The following SLC25A26 variants were observed in gnomAD, a reference collection of about 807,000 sequenced individuals.
SLC25A26 encodes solute carrier family 25 member 26.
SLC25A26 carries 36 observed loss-of-function variants against 37.8 expected under a neutral mutation model. The ratio of observed to expected loss-of-function variants is 0.95; its 90% CI spans 0.73 to 1.26. The LOEUF (loss-of-function observed/expected upper bound fraction) is 1.26. Ranked by LOEUF, SLC25A26 falls within the 50% of genes most tolerant of loss-of-function variation. The pLI, the probability that SLC25A26 is intolerant of heterozygous loss-of-function variation, is 0.00. For missense variants in SLC25A26, 390 were observed against 331.1 expected, an observed-to-expected ratio of 1.18 and a Z score of -1.38; for synonymous variants, 129 against 122.5, an observed-to-expected ratio of 1.05 and a Z score of -0.35.
At chr3:66,234,333 A>T (rs1386118691) in intron 1 of SLC25A26, among the ~76,000 whole-genome samples, 1 of 152,200 alleles carries the variant, frequency 6.6e-6, no homozygotes. Flanking sequence ...TTACTTTCCT[A>T]CATTACTTGT....
intron 6 of SLC25A26, among the ~76,000 whole-genome samples, chr3:66,355,728 A>G (rs773224308): frequency 2.6e-5 from 4 of 152,246 alleles, no homozygotes; most frequent in Admixed American, 2.6e-4. Flanking sequence ...TTTTAAAAAT[A>G]TATGTGCAAA....
chr3:66,271,619 A>G (rs571203588), intron 5 of SLC25A26, among the ~76,000 whole-genome samples: 2 of 152,250 alleles, frequency 1.3e-5, no homozygotes, highest in Non-Finnish European at 2.9e-5. Flanking sequence ...TCACTGTAGT[A>G]GATGAAGTCA....
At chr3:66,304,936 C>G (rs1576836538) in intron 5 of SLC25A26, among the ~76,000 whole-genome samples, 1 of 152,102 alleles carries the variant, frequency 6.6e-6, no homozygotes, top group African/African-American at 2.4e-5. Context: ...TTAAGAAACT[C>G]AAAAGATTTT....
intron 9 of SLC25A26, among the ~76,000 whole-genome samples, chr3:66,372,124 T>C (rs1700379211): frequency 6.6e-6 from 1 of 152,120 alleles, no homozygotes; most frequent in African/African-American, 2.4e-5. Context: ...TTCTTCTGTG[T>C]TTCAAATAGC....
At chr3:66,169,282 CAGTATTAGATTT>C (rs1439100076) in intron 1 of SLC25A26, among the ~76,000 whole-genome samples, 18 of 152,304 alleles carry the variant, frequency 1.2e-4, no homozygotes, top group Admixed American at 7.2e-4. Flanking sequence ...GAACTTAGTG[CAGTATTAGATTT>C]ACTGAAGCCT....
At chr3:66,325,620 A>G (rs2075817891) in intron 5 of SLC25A26, among the ~76,000 whole-genome samples, 1 of 152,116 alleles carries the variant, frequency 6.6e-6, no homozygotes, top group Admixed American at 6.5e-5. Context: ...AATAGTAAGT[A>G]ACTAGGTGAT....
intron 5 of SLC25A26, among the ~76,000 whole-genome samples, chr3:66,280,714 A>G (rs547411390): frequency 1.3e-4 from 20 of 152,280 alleles, no homozygotes; most frequent in African/African-American, 3.6e-4. Context: ...TACAATTTAT[A>G]GAAAAGGTAA....
At chr3:66,279,757 A>G (rs2074275225) in intron 5 of SLC25A26, among the ~76,000 whole-genome samples, 1 of 152,130 alleles carries the variant, frequency 6.6e-6, no homozygotes, top group African/African-American at 2.4e-5. Flanking sequence ...GGTTAAATTG[A>G]TCTGTGGGAG....
In SLC25A26 at chr3:66,360,872, G is replaced by A. The variant is rs117098130; in HGVS notation, c.499-1988G>A. 1.6e-3 allele frequency among the ~76,000 whole-genome samples: 239 copies of A among 152,278 alleles called. 5 individuals carry two copies. The East Asian group carries it at 0.034, about 21-fold the overall frequency. On this transcript the variant is annotated intron_variant, in intron 6 of 9. Coordinates refer to ENST00000354883, the MANE Select transcript of SLC25A26 (RefSeq NM_001379210.1). The stretch of plus-strand genomic sequence containing the variant: ...TTGGTGCCTCCCAATCACAGTCTTA[G>A]CAGGTTATTTCGTAGGAATTGATAA...
At chr3:66,292,232 A>G (rs913836554) in intron 5 of SLC25A26, among the ~76,000 whole-genome samples, 1 of 152,074 alleles carries the variant, frequency 6.6e-6, no homozygotes. Flanking sequence ...CAGCACACTG[A>G]TGGGTCTTCA....
intron 1 of SLC25A26, among the ~76,000 whole-genome samples, chr3:66,186,494 AC>A (rs1216709974): frequency 6.6e-6 from 1 of 151,872 alleles, no homozygotes; most frequent in Non-Finnish European, 1.5e-5. Context: ...CCTGACCAGC[AC>A]TCTGACATTG....
chr3:66,287,295 CA>C (rs532447022), intron 5 of SLC25A26, among the ~76,000 whole-genome samples: 2,452 of 92,098 alleles, frequency 0.027, 60 homozygotes, highest in African/African-American at 0.079. Context: ...GACTCCGTCT[CA>C]AAAAAAAAAA....
chr3:66,364,113 AG>A (rs1023008665), intron 7 of SLC25A26, among the ~76,000 whole-genome samples: 1 of 152,206 alleles, frequency 6.6e-6, no homozygotes, highest in African/African-American at 2.4e-5. Context: ...TACTTTTTAA[AG>A]TTAGCAATAC....
chr3:66,299,201 T>A (rs1008189863), intron 5 of SLC25A26, among the ~76,000 whole-genome samples: 3 of 151,662 alleles, frequency 2.0e-5, no homozygotes, highest in Non-Finnish European at 4.4e-5. Flanking sequence ...TACAACAAAC[T>A]TTTTTTTTGA....
Position 66,230,984 on chromosome 3 carries a change from C to T in SLC25A26, c.34-5560C>T, listed in dbSNP as rs139757138. Among the ~76,000 whole-genome samples, 834 of 152,090 alleles carry T rather than the reference C, an allele frequency of 5.5e-3. 3 individuals carry two copies. The highest frequency in any genetic ancestry group is 0.01 in the South Asian group (50 of 4,826). Reference sequence around the variant, plus strand: ...GAGGTCAGGAGTTCAAAACCAGCCTCGCCAACAGGGTGAAACTCTGCTTCT... The same window carrying T: ...GAGGTCAGGAGTTCAAAACCAGCCTTGCCAACAGGGTGAAACTCTGCTTCT... On this transcript the variant is annotated intron_variant, in intron 1 of 9. Transcript: ENST00000354883.
chr3:66,315,021 G>A (rs1210318293), intron 5 of SLC25A26, among the ~76,000 whole-genome samples: 2 of 147,480 alleles, frequency 1.4e-5, no homozygotes, highest in Non-Finnish European at 1.5e-5. Flanking sequence ...TTCTTTATTA[G>A]TCTAGTTAGT....
At chr3:66,308,126 TC>T (rs1404559424) in intron 5 of SLC25A26, among the ~76,000 whole-genome samples, 1 of 152,206 alleles carries the variant, frequency 6.6e-6, no homozygotes, top group Non-Finnish European at 1.5e-5. Flanking sequence ...ATTCTTCCTA[TC>T]CATGAGCATG....
chr3:66,312,185 C>T (rs529321039), intron 5 of SLC25A26, among the ~76,000 whole-genome samples: 3 of 152,260 alleles, frequency 2.0e-5, no homozygotes, highest in East Asian at 3.9e-4. Flanking sequence ...TCAGAGATGC[C>T]CTGCCCAGTG....
Position 66,377,730 on chromosome 3 carries a change from C to G in SLC25A26, c.748C>G (p.Leu250Val), listed in dbSNP as rs1377151005. Residue 250 changes from leucine to valine, a missense_variant, in exon 10 of 10, where the codon CTG becomes GTG. By Grantham distance (32) the Leu-to-Val change is conservative. Coordinates refer to ENST00000354883, the MANE Select transcript of SLC25A26 (RefSeq NM_001379210.1). ...GVFPRMAAIS[L>V]GGFIFLGAYD... The stretch of plus-strand genomic sequence containing the variant: ...CTTCCCTCGAATGGCAGCCATCAGT[C>G]TGGGAGGTTTCATCTTTCTGGGGGC... The G allele has an allele frequency of 6.2e-7, 1 of 1,613,870 alleles. No individual in the cohort carries two copies. The highest frequency in any genetic ancestry group is 8.5e-7 in the Non-Finnish European group (1 of 1,179,856).
Sources: allele counts gnomAD v4.1 joint callset (sites outside exome capture counted in the v4.1 genomes callset), GRCh38; gene constraint gnomAD v4.1.1; transcripts MANE v1.5; gene names NCBI Gene and HGNC (gene_info 2026-07-23, HGNC 2026-07-21).